PREX1: variants seen among roughly 807,000 people sequenced by gnomAD.
PREX1 encodes the protein phosphatidylinositol-3,4,5-trisphosphate dependent Rac exchange factor 1.
PREX1 carries 41 observed loss-of-function variants against 198.3 expected under a neutral mutation model. The observed-to-expected ratio is 0.21, with a 90% CI of 0.16 to 0.27. PREX1 has a LOEUF of 0.27. PREX1 is among the 10% of genes least tolerant of loss of function. The pLI, the probability that PREX1 is intolerant of heterozygous loss-of-function variation, is 1.00. For missense variants in PREX1, 1,620 were observed against 2,200.7 expected (o/e 0.74, Z 5.28); for synonymous variants, 843 against 887.2 (o/e 0.95, Z 0.89).
intron 3 of PREX1, among the ~76,000 whole-genome samples, chr20:48,736,523 C>T (rs1352612932): frequency 2.6e-5 from 4 of 152,210 alleles, no homozygotes; most frequent in Admixed American, 2.6e-4. Context: ...CCCAGCACCC[C>T]CAACACTGCC....
At chr20:48,661,138 G>C (rs909792936) in intron 15 of PREX1, among the ~76,000 whole-genome samples, 1 of 151,962 alleles carries the variant, frequency 6.6e-6, no homozygotes, top group Admixed American at 6.6e-5. Flanking sequence ...TACTGACGCC[G>C]GCCAGAGGCG....
chr20:48,857,858 G>A, the PREX1 span, among the ~76,000 whole-genome samples: 1 of 152,206 alleles, frequency 6.6e-6, no homozygotes, highest in Non-Finnish European at 1.5e-5. Flanking sequence ...ATATGAGCTG[G>A]TCCTGTAGCT....
the PREX1 span, among the ~76,000 whole-genome samples, chr20:48,878,179 CCA>C: frequency 6.6e-6 from 1 of 152,152 alleles, no homozygotes; most frequent in African/African-American, 2.4e-5. Context: ...TGCCCCAACC[CCA>C]GTTATTCACT....
chr20:48,655,213 A>C, intron 19 of PREX1, 77 bp downstream of exon 19: 1 of 1,332,694 alleles, frequency 7.5e-7, no homozygotes, highest in Non-Finnish European at 1.0e-6. Flanking sequence ...AGAGTTCAGA[A>C]GGCTCTGAAC....
At chr20:48,851,859 T>C in the PREX1 span, among the ~76,000 whole-genome samples, 1 of 152,208 alleles carries the variant, frequency 6.6e-6, no homozygotes, top group Non-Finnish European at 1.5e-5. Context: ...TTCTCATCTG[T>C]GAGAGCCTTG....
At chr20:48,749,818 C>G (rs1252810275) in intron 1 of PREX1, among the ~76,000 whole-genome samples, 1 of 152,078 alleles carries the variant, frequency 6.6e-6, no homozygotes, top group Non-Finnish European at 1.5e-5. Context: ...GTGGGAGTTA[C>G]TTATATCCTA....
chr20:48,775,136 T>C (rs1440075207), intron 1 of PREX1, among the ~76,000 whole-genome samples: 2 of 152,124 alleles, frequency 1.3e-5, no homozygotes, highest in African/African-American at 4.8e-5. Flanking sequence ...TCTCGGCAAA[T>C]GACGCATGTA....
intron 1 of PREX1, among the ~76,000 whole-genome samples, chr20:48,792,609 A>C (rs1417528773): frequency 1.3e-5 from 2 of 152,136 alleles, no homozygotes; most frequent in African/African-American, 2.4e-5. Flanking sequence ...AGAAATAAAA[A>C]CTATCTCCAT....
intron 1 of PREX1, among the ~76,000 whole-genome samples, chr20:48,825,236 C>T (rs2090503593): frequency 6.6e-6 from 1 of 152,090 alleles, no homozygotes; most frequent in Non-Finnish European, 1.5e-5. Context: ...TATGGCTGGT[C>T]AGGTTACACA....
At chr20:48,762,805 C>T (rs992323744) in intron 1 of PREX1, among the ~76,000 whole-genome samples, 4 of 151,058 alleles carry the variant, frequency 2.6e-5, no homozygotes, top group Admixed American at 6.6e-5. Context: ...TGGGTTCAAG[C>T]GATTCTTCTG....
At chr20:48,764,309 T>C (rs1350200524) in intron 1 of PREX1, among the ~76,000 whole-genome samples, 3 of 152,146 alleles carry the variant, frequency 2.0e-5, no homozygotes, top group East Asian at 3.9e-4. Flanking sequence ...CCCTTGACCA[T>C]TGTGGTGGGC....
At chr20:48,750,740 G>C (rs1348840379) in intron 1 of PREX1, among the ~76,000 whole-genome samples, 1 of 152,168 alleles carries the variant, frequency 6.6e-6, no homozygotes, top group Non-Finnish European at 1.5e-5. Flanking sequence ...TTTGACAGAT[G>C]AGGAAACTGA....
the PREX1 span, among the ~76,000 whole-genome samples, chr20:48,864,475 T>A: frequency 6.6e-6 from 1 of 152,226 alleles, no homozygotes; most frequent in Admixed American, 6.5e-5. Flanking sequence ...TTTGTGTACT[T>A]TATGACATTT....
At chr20:48,840,501 T>C in the PREX1 span, among the ~76,000 whole-genome samples, 10 of 152,168 alleles carry the variant, frequency 6.6e-5, no homozygotes, top group Admixed American at 6.5e-4. Context: ...CTAACAGAAA[T>C]GGAATGCCTG....
chr20:48,631,395 A>C (rs1238475655), intron 35 of PREX1, among the ~76,000 whole-genome samples: 3 of 152,232 alleles, frequency 2.0e-5, no homozygotes, highest in Admixed American at 6.5e-5. Context: ...TCCATGAAGA[A>C]CAGGACTTTG....
intron 29 of PREX1, among the ~76,000 whole-genome samples, chr20:48,641,834 GAGAGAGAGGAAGGAAGGAAGGA>G (rs1568796496): frequency 3.9e-5 from 5 of 128,506 alleles, no homozygotes; most frequent in African/African-American, 1.2e-4. Context: ...AAGAGAGAGA[GAGAGAGAGGAAGGAAGGAAGGA>G]AGGAAGGAAG....
chr20:48,642,134 G>T (rs756480417), intron 29 of PREX1, 34 bp downstream of exon 29: 1 of 1,599,958 alleles, frequency 6.3e-7, no homozygotes, highest in Admixed American at 1.7e-5. Flanking sequence ...CTTCCCCATC[G>T]CAGGCTGTCA....
At chr20:48,831,800 A>C (rs2090537582), upstream of PREX1, among the ~76,000 whole-genome samples, 1 of 152,236 alleles carries the variant, frequency 6.6e-6, no homozygotes, top group Non-Finnish European at 1.5e-5. Context: ...CCCCAGTGTC[A>C]TGATTCAGCC....
the PREX1 span, among the ~76,000 whole-genome samples, chr20:48,840,336 A>T: frequency 7.3e-6 from 1 of 136,336 alleles, no homozygotes; most frequent in African/African-American, 2.8e-5. Context: ...TATTAACCTT[A>T]ACCAAAAAAA....
Sources: gnomAD v4.1 joint callset for allele counts (sites outside exome capture counted in the v4.1 genomes callset) on GRCh38, gnomAD v4.1.1 for gene constraint, MANE v1.5 for transcripts, NCBI Gene and HGNC (gene_info 2026-07-23, HGNC 2026-07-21) for gene names.